ZNF214: variants seen among roughly 807,000 people sequenced by gnomAD.
The protein encoded by ZNF214 is zinc finger protein 214, also known as BWSCR2-associated zinc finger protein 1.
ZNF214 carries 43 observed loss-of-function variants against 53.9 expected under a neutral mutation model. That is an observed-to-expected ratio of 0.80 (90% CI 0.63 to 1.03). The LOEUF is 1.03. Ranked by LOEUF, ZNF214 falls within the 50% of genes least tolerant of loss-of-function variation. ZNF214 has a pLI of 0.00. For synonymous variants in ZNF214, 217 were observed against 229.5 expected (o/e 0.95, Z 0.49); for missense variants, 724 against 719.1 (o/e 1.01, Z -0.08).
At chr11:7,002,535 C>T (rs1184101778) in intron 2 of ZNF214, among the ~76,000 whole-genome samples, 174 bp downstream of exon 2, 3 of 151,886 alleles carry the variant, frequency 2.0e-5, no homozygotes, top group Non-Finnish European at 4.4e-5. Context: ...ATGATATAAC[C>T]TAGGTGTCCT....
chr11:7,009,951 T>A (rs141594677), intron 1 of ZNF214, among the ~76,000 whole-genome samples: 33 of 152,138 alleles, frequency 2.2e-4, no homozygotes, highest in African/African-American at 7.5e-4. Flanking sequence ...GAAAAAGGAA[T>A]ACTTAAATAC....
intron 1 of ZNF214, among the ~76,000 whole-genome samples, chr11:7,003,955 A>C (rs1589836039): frequency 6.6e-6 from 1 of 151,914 alleles, no homozygotes; most frequent in East Asian, 1.9e-4. Context: ...AAATTAAAAA[A>C]AGAAAAATTT....
Position 7,001,678 on chromosome 11 carries a change from G to A in ZNF214, c.128-123C>T, listed in dbSNP as rs550793211. ...GTGTGGCTGGGGGTAGGAAAGAAGG[G>A]TTATGACTCTGCCTGCTCCATTTGG... On this transcript the variant is annotated intron_variant, in intron 2 of 2. Transcript: ENST00000278314. 1.4e-4 allele frequency: 154 copies of A among 1,119,352 alleles called. No homozygotes were observed. The African/African-American group carries it at 2.1e-3, about 15-fold the overall frequency. The allele number at this position is 1,119,352 out of a possible 1,614,324, so 69.3% of individuals were successfully genotyped here.
At chr11:7,006,031 G>A (rs1055706452) in intron 1 of ZNF214, among the ~76,000 whole-genome samples, 11 of 152,002 alleles carry the variant, frequency 7.2e-5, no homozygotes, top group African/African-American at 2.7e-4. Context: ...TTGCTTTTCA[G>A]TGTTTTCATA....
At position 6,999,724 on chromosome 11, in the gene ZNF214, C is replaced by A; in HGVS notation, c.*138G>T. 1.1e-6 allele frequency: 1 copy of A among 905,432 alleles called. No individual in the cohort carries two copies. Among genetic ancestry groups the A allele is most frequent in the South Asian group, 2.6e-5 (1 of 37,894 alleles). 56.1% of individuals were successfully genotyped at this position (905,432 alleles called of 1,614,324 possible). A position where few individuals can be genotyped will look rare whatever the true frequency, so the allele number is the denominator to read the frequency against. On this transcript the variant is annotated 3_prime_UTR_variant, in exon 3 of 3. Transcript: ENST00000278314. Reference sequence around the variant, plus strand: ...AGATCTCCTTTTGAAGCAAATAATTCTTAGTGGGAGATAGGGGAAACTATA... The same window carrying A: ...AGATCTCCTTTTGAAGCAAATAATTATTAGTGGGAGATAGGGGAAACTATA...
Position 7,001,224 on chromosome 11 carries a change from T to G in ZNF214, c.459A>C (p.Glu153Asp), listed in dbSNP as rs2133382159. ...AACCATGTGAACCACTCATGTAGAT[T>G]TCTCTACCATAGTCTTGAGTGGTTT... is the stretch of plus-strand genomic sequence containing the variant. The part of the protein sequence containing the change: ...ETKTTQDYGR[E>D]IYMSGSHGFQ... The change falls in exon 3 of 3, where the codon GAA becomes GAC. Residue 153 changes from glutamate (E) to aspartate (D), a missense_variant. Coordinates refer to ENST00000278314, the MANE Select transcript of ZNF214 (RefSeq NM_013249.4). 6.2e-7 allele frequency: 1 copy of G among 1,613,268 alleles called. No individual in the cohort carries two copies. Among genetic ancestry groups the G allele is most frequent in the Non-Finnish European group, 8.5e-7 (1 of 1,179,522 alleles).
rs61449033 is a variant in ZNF214 at position 7,013,595 on chromosome 11, C to T, written c.-21+6478G>A. On this transcript the variant is annotated intron_variant, in intron 1 of 2. Coordinates refer to ENST00000278314, the MANE Select transcript of ZNF214 (RefSeq NM_013249.4). ...TTGGATTACCAATAAATAGCGTGGGCTCCCAGAGCTTGGGGCCTTCGCAGC... is the reference window on the plus strand; with the variant it reads ...TTGGATTACCAATAAATAGCGTGGGTTCCCAGAGCTTGGGGCCTTCGCAGC... Among the ~76,000 whole-genome samples, 1,252 of 152,322 alleles carry T rather than the reference C, an allele frequency of 8.2e-3. 15 individuals carry two copies. Among genetic ancestry groups the T allele is most frequent in the African/African-American group, 0.023 (952 of 41,562 alleles).
rs372929868 is a variant in ZNF214, at chr11:7,000,297, T to A, written c.1386A>T (p.Arg462Ser). 1 of 1,613,200 alleles carries A rather than the reference T, an allele frequency of 6.2e-7. No homozygotes were observed. The highest frequency in any genetic ancestry group is 8.5e-7 in the Non-Finnish European group (1 of 1,179,568). ...TATAGGGTTTCTCCCCTGTATGGAC[T>A]CTCTGATGAATGCGAAGATCTGAGC... ...SHSSDLRIHQ[R>S]VHTGEKPYTC... The change falls in exon 3 of 3, where the codon AGA becomes AGT. Residue 462 changes from arginine to serine, a missense_variant. Transcript: ENST00000278314.
At chr11:7,011,699 A>G (rs561573365) in intron 1 of ZNF214, among the ~76,000 whole-genome samples, 1 of 152,264 alleles carries the variant, frequency 6.6e-6, no homozygotes, top group South Asian at 2.1e-4. Context: ...AGCTACAAGA[A>G]TTAGAAGCAA....
In ZNF214 at chr11:7,001,209, AC is replaced by A; in HGVS notation, c.473del (p.Gly158ValfsTer28). 6.2e-7 allele frequency: 1 copy of A among 1,613,060 alleles called. No individual in the cohort carries two copies. On this transcript the variant is annotated frameshift_variant, in exon 3 of 3. Transcript: ENST00000278314. LOFTEE classifies it high-confidence loss of function. ...QDYGREIYMS[G>X]SHGFQGGRYR... ...ATCTGCCCCCTTGAAAACCATGTGA[AC>A]CACTCATGTAGATTTCTCTACCATA...
Position 7,001,210 on chromosome 11 carries a change from C to CCA in ZNF214, c.471_472dup (p.Gly158ValfsTer29). ...TCTGCCCCCTTGAAAACCATGTGAA[C>CCA]CACTCATGTAGATTTCTCTACCATA... On this transcript the variant is annotated frameshift_variant, in exon 3 of 3. Transcript: ENST00000278314. LOFTEE classifies it high-confidence loss of function. 3 of 1,613,190 alleles carry CCA rather than the reference C, an allele frequency of 1.9e-6. No individual in the cohort carries two copies. Among genetic ancestry groups the CCA allele is most frequent in the Non-Finnish European group, 2.5e-6 (3 of 1,179,520 alleles).
rs533811743 is a variant in ZNF214, at chr11:6,998,799, T to C, written c.*1063A>G. On this transcript the variant is annotated 3_prime_UTR_variant, in exon 3 of 3. Transcript: ENST00000278314. ...GGTCTTTAGGATGATATTCTTTTCTTCAGTATTGCAATTCCCTCTAATTTT... is the reference window on the plus strand; with the variant it reads ...GGTCTTTAGGATGATATTCTTTTCTCCAGTATTGCAATTCCCTCTAATTTT... Among the ~76,000 whole-genome samples, 50 of 152,086 alleles carry C rather than the reference T, an allele frequency of 3.3e-4. No homozygotes were observed. Among genetic ancestry groups the C allele is most frequent in the African/African-American group, 1.1e-3 (46 of 41,530 alleles).
intron 1 of ZNF214, among the ~76,000 whole-genome samples, chr11:7,004,383 T>C (rs1272644554): frequency 2.0e-5 from 2 of 100,998 alleles, no homozygotes; most frequent in Non-Finnish European, 2.4e-5. Context: ...TTTCATTTAA[T>C]ACATAGTGTA....
In ZNF214 at chr11:7,000,743, G is replaced by C; in HGVS notation, c.940C>G (p.Gln314Glu). 6.2e-7 allele frequency: 1 copy of C among 1,610,674 alleles called. No individual in the cohort carries two copies. The highest frequency in any genetic ancestry group is 8.5e-7 in the Non-Finnish European group (1 of 1,179,198). The change falls in exon 3 of 3, where the codon CAG becomes GAG. Residue 314 changes from glutamine (Q) to glutamate (E), a missense_variant. Gln to Glu is a conservative substitution (Grantham distance 29). Transcript: ENST00000278314. The stretch of plus-strand genomic sequence containing the variant: ...TGATGATTGTGAAGACTAGAGATCT[G>C]GCTGAAGCTCTTACCACATGCATTA... Reference protein sequence around the residue: ...SCNACGKSFSQISSLHNHQRV... With the variant: ...SCNACGKSFSEISSLHNHQRV...
At chr11:7,018,800 C>T (rs1194298670) in intron 1 of ZNF214, among the ~76,000 whole-genome samples, 1 of 152,092 alleles carries the variant, frequency 6.6e-6, no homozygotes, top group Non-Finnish European at 1.5e-5. Flanking sequence ...CCGCGCCTGG[C>T]GATGACATTC....
rs1325360512 is a variant in ZNF214, at chr11:7,001,231, C to G, written c.452G>C (p.Gly151Ala). Residue 151 changes from glycine to alanine, a missense_variant, in exon 3 of 3, where the codon GGT becomes GCT. Physicochemically the swap from Gly to Ala is moderately conservative, Grantham distance 60. Transcript: ENST00000278314. Reference protein sequence around the residue: ...SLETKTTQDYGREIYMSGSHG... With the variant: ...SLETKTTQDYAREIYMSGSHG... Reference sequence around the variant, plus strand: ...TGAACCACTCATGTAGATTTCTCTACCATAGTCTTGAGTGGTTTTTGTTTC... The same window carrying G: ...TGAACCACTCATGTAGATTTCTCTAGCATAGTCTTGAGTGGTTTTTGTTTC... The G allele has an allele frequency of 4.3e-6, 7 of 1,613,208 alleles. No individual in the cohort carries two copies. The highest frequency in any genetic ancestry group is 5.1e-6 in the Non-Finnish European group (6 of 1,179,496).
At chr11:7,005,348 C>T (rs1851449868) in intron 1 of ZNF214, among the ~76,000 whole-genome samples, 2 of 151,786 alleles carry the variant, frequency 1.3e-5, no homozygotes, top group South Asian at 4.2e-4. Context: ...TACAATAAAT[C>T]TAAACAGAAA....
chr11:7,001,500 A>T lies in ZNF214; in HGVS notation c.183T>A (p.Tyr61Ter). The change falls in exon 3 of 3, where the codon TAT (tyrosine) becomes TAA (stop). Residue 61 changes from tyrosine to a stop codon, truncating the protein, a stop_gained. Coordinates refer to ENST00000278314, the MANE Select transcript of ZNF214 (RefSeq NM_013249.4). LOFTEE classifies it high-confidence loss of function. ...AGCCTTGCCAGTAGGAAAAATTTTCATATTCTAAGTATCTGAATTTTTCTT... is the reference window on the plus strand; with the variant it reads ...AGCCTTGCCAGTAGGAAAAATTTTCTTATTCTAAGTATCTGAATTTTTCTT... ...SQEEKFRYLE[Y>*]ENFSYWQGWW... 1 of 1,611,654 alleles carries T rather than the reference A, an allele frequency of 6.2e-7. No homozygotes were observed. The highest frequency in any genetic ancestry group is 8.5e-7 in the Non-Finnish European group (1 of 1,178,794).
At position 6,997,585 on chromosome 11, in the gene ZNF214, TAAAA is replaced by T. The variant is rs1188766605; in HGVS notation, c.*2273_*2276del. On this transcript the variant is annotated 3_prime_UTR_variant, in exon 3 of 3. Transcript: ENST00000278314. ...TTATTAAGTTGTAATTTTAGGTTTG[TAAAA>T]AAAAAAAAAAAAGGCCTTTCTTAAA... is the stretch of plus-strand genomic sequence containing the variant. Among the ~76,000 whole-genome samples, 2 of 122,882 alleles carry T rather than the reference TAAAA, an allele frequency of 1.6e-5. No homozygotes were observed. Among genetic ancestry groups the T allele is most frequent in the Admixed American group, 8.1e-5 (1 of 12,326 alleles). The allele number at this position is 122,882 out of a possible 152,430, so 80.6% of individuals were successfully genotyped here. A position where few individuals can be genotyped will look rare whatever the true frequency, so the allele number is the denominator to read the frequency against.
Sources: allele counts gnomAD v4.1 joint callset (sites outside exome capture counted in the v4.1 genomes callset), GRCh38; gene constraint gnomAD v4.1.1; transcripts MANE v1.5; gene names NCBI Gene and HGNC (gene_info 2026-07-23, HGNC 2026-07-21).